GPC5: variants seen among roughly 807,000 people sequenced by gnomAD.
GPC5 encodes glypican-5.
Under a neutral mutation model 53.9 loss-of-function variants are expected in GPC5, and 47 were observed. The observed-to-expected ratio is 0.87, with a 90% CI of 0.69 to 1.11. GPC5 has a LOEUF of 1.11. Ranked by LOEUF, GPC5 falls within the 50% of genes most tolerant of loss-of-function variation. GPC5 has a pLI of 0.00. For missense variants in GPC5, 748 were observed against 713.1 expected (o/e 1.05, Z -0.56); for synonymous variants, 286 against 263.3 (o/e 1.09, Z -0.84).
chr13:92,502,402 A>G (rs541322997), intron 7 of GPC5, among the ~76,000 whole-genome samples: 24 of 152,176 alleles, frequency 1.6e-4, no homozygotes, highest in African/African-American at 4.6e-4. Context: ...AACTGACTAA[A>G]CACACATTTT....
At chr13:92,008,357 C>T (rs565875270) in intron 6 of GPC5, among the ~76,000 whole-genome samples, 3 of 152,036 alleles carry the variant, frequency 2.0e-5, no homozygotes, top group African/African-American at 7.2e-5. Context: ...CCACTGCTCC[C>T]GGCCGAAAAT....
intron 7 of GPC5, among the ~76,000 whole-genome samples, chr13:92,563,911 G>A (rs1882781060): frequency 6.6e-6 from 1 of 151,856 alleles, no homozygotes; most frequent in South Asian, 2.1e-4. Context: ...CCTCCAAAGA[G>A]AACAGTTTGG....
intron 7 of GPC5, among the ~76,000 whole-genome samples, chr13:92,412,686 C>A (rs1178681541): frequency 6.6e-6 from 1 of 152,154 alleles, no homozygotes; most frequent in Non-Finnish European, 1.5e-5. Flanking sequence ...CAGAGACAGA[C>A]CATATGGTCC....
At chr13:92,088,800 A>G (rs1321040267) in intron 6 of GPC5, among the ~76,000 whole-genome samples, 1 of 152,176 alleles carries the variant, frequency 6.6e-6, no homozygotes, top group Non-Finnish European at 1.5e-5. Flanking sequence ...ACTGTATTTC[A>G]GTCATGGTCT....
At chr13:92,242,061 C>T (rs1292610569) in intron 7 of GPC5, 1 of 152,374 alleles carries the variant, frequency 6.6e-6, no homozygotes, top group Non-Finnish European at 1.5e-5. Flanking sequence ...GGCAAAACCC[C>T]ATCTCTGCTA....
chr13:91,808,109 A>G (rs2038250832), intron 5 of GPC5, among the ~76,000 whole-genome samples: 1 of 152,144 alleles, frequency 6.6e-6, no homozygotes, highest in South Asian at 2.1e-4. Flanking sequence ...TCTAGGAAAA[A>G]AAATGAATTT....
chr13:92,151,882 T>A (rs1409388128), intron 7 of GPC5, among the ~76,000 whole-genome samples: 1 of 152,048 alleles, frequency 6.6e-6, no homozygotes, highest in Non-Finnish European at 1.5e-5. Context: ...AAATACTTCA[T>A]AGAGGAGACA....
At chr13:92,435,310 C>A (rs938692222) in intron 7 of GPC5, among the ~76,000 whole-genome samples, 3 of 151,908 alleles carry the variant, frequency 2.0e-5, no homozygotes, top group African/African-American at 7.3e-5. Flanking sequence ...TGAATCAAGA[C>A]CAAAAGGGGT....
chr13:92,203,262 A>AT (rs1309527257), intron 7 of GPC5, among the ~76,000 whole-genome samples: 1 of 151,228 alleles, frequency 6.6e-6, no homozygotes, highest in African/African-American at 2.4e-5. Context: ...GATAGACTGG[A>AT]TTAAGAAAAT....
intron 6 of GPC5, among the ~76,000 whole-genome samples, chr13:91,932,522 T>C (rs1333013996): frequency 6.6e-6 from 1 of 152,046 alleles, no homozygotes; most frequent in African/African-American, 2.4e-5. Flanking sequence ...ACATACAAAA[T>C]TAGTCTTTTC....
intron 7 of GPC5, among the ~76,000 whole-genome samples, chr13:92,583,464 G>A (rs1356697373): frequency 6.6e-6 from 1 of 152,296 alleles, no homozygotes; most frequent in South Asian, 2.1e-4. Flanking sequence ...ATTGAATATA[G>A]AGCCTATTTT....
intron 7 of GPC5, among the ~76,000 whole-genome samples, chr13:92,371,047 G>T (rs2043646559): frequency 6.6e-6 from 1 of 152,154 alleles, no homozygotes. Flanking sequence ...TACTTGGGAG[G>T]CTGAGGCAGG....
intron 6 of GPC5, among the ~76,000 whole-genome samples, chr13:91,932,408 T>C (rs1309320553): frequency 6.6e-6 from 1 of 152,046 alleles, no homozygotes; most frequent in Admixed American, 6.6e-5. Context: ...TCCTTCACAT[T>C]TAGCTCTGAA....
At chr13:91,710,039 T>A (rs2036193375) in intron 3 of GPC5, among the ~76,000 whole-genome samples, 1 of 152,196 alleles carries the variant, frequency 6.6e-6, no homozygotes, top group African/African-American at 2.4e-5. Flanking sequence ...TCTATTAAAG[T>A]ACATGCAGTA....
chr13:91,559,200 C>T (rs1167318930), intron 2 of GPC5, among the ~76,000 whole-genome samples: 1 of 152,146 alleles, frequency 6.6e-6, no homozygotes, highest in Admixed American at 6.5e-5. Flanking sequence ...CAGAATCAGC[C>T]TAACACCTAT....
intron 7 of GPC5, among the ~76,000 whole-genome samples, chr13:92,786,192 C>G (rs1876226398): frequency 6.6e-6 from 1 of 151,976 alleles, no homozygotes; most frequent in Non-Finnish European, 1.5e-5. Context: ...AAACTGTAAT[C>G]CAGTAGTAGA....
chr13:92,606,848 T>C (rs1884276106), intron 7 of GPC5, among the ~76,000 whole-genome samples: 1 of 152,128 alleles, frequency 6.6e-6, no homozygotes, highest in Non-Finnish European at 1.5e-5. Context: ...AAATCCTAAG[T>C]CTGGTAGTAC....
At chr13:92,214,720 A>G (rs906326291) in intron 7 of GPC5, among the ~76,000 whole-genome samples, 12 of 152,194 alleles carry the variant, frequency 7.9e-5, no homozygotes, top group Admixed American at 7.9e-4. Context: ...TGACTATGTT[A>G]GGTTGTACAG....
At chr13:91,979,567 T>C (rs752674761) in intron 6 of GPC5, among the ~76,000 whole-genome samples, 7 of 152,196 alleles carry the variant, frequency 4.6e-5, no homozygotes, top group Non-Finnish European at 8.8e-5. Context: ...ACTATGGGTG[T>C]AATGTTTTCT....
Sources: allele counts gnomAD v4.1 joint callset (sites outside exome capture counted in the v4.1 genomes callset), GRCh38; gene constraint gnomAD v4.1.1; transcripts MANE v1.5; gene names NCBI Gene and HGNC (gene_info 2026-07-23, HGNC 2026-07-21).